Variants in KIF14 observed in about 807,000 individuals in gnomAD.
KIF14 encodes the protein kinesin family member 14.
In KIF14, 98 loss-of-function variants were observed where a neutral mutation model predicts 176.2. That is an observed-to-expected ratio of 0.56 (90% confidence interval 0.47 to 0.66). The LOEUF is 0.66. Among genes scored for constraint, KIF14 ranks in the 30% least tolerant of loss-of-function variants. The pLI is 0.00. For synonymous variants in KIF14, 566 were observed against 632.2 expected, an observed-to-expected ratio of 0.90 and a Z score of 1.57; for missense variants, 1,751 against 1,920.4, an observed-to-expected ratio of 0.91 and a Z score of 1.65.
rs1659525095 is a variant in KIF14, at chr1:200,599,528, T to G, written c.2364+522A>C. ...ATTTTCCCTTCTTCTCCTGAATTCT[T>G]ATAGTACTCCCCCACTACCAATCAC... is the stretch of plus-strand genomic sequence containing the variant. On this transcript the variant is annotated intron_variant, in intron 13 of 29. Transcript: ENST00000367350. Among the ~76,000 whole-genome samples, 3 of 152,226 alleles carry G rather than the reference T, an allele frequency of 2.0e-5. No individual in the cohort carries two copies. The South Asian group carries it at 6.2e-4, about 31-fold the overall frequency.
chr1:200,603,174 C>A, intron 10 of KIF14, 52 bp downstream of exon 10: 2 of 1,060,620 alleles, frequency 1.9e-6, no homozygotes, highest in Non-Finnish European at 1.4e-6. Context: ...TTCTTTTCCC[C>A]ATAGTATTCA....
rs1172542821 is a variant in KIF14, at chr1:200,620,599, A to G, written c.-304T>C. On this transcript the variant is annotated 5_prime_UTR_variant, in exon 1 of 30. Coordinates refer to ENST00000367350, the MANE Select transcript of KIF14 (RefSeq NM_014875.3). ...AGCTAAGACCACCCGCCCGCAGAGC[A>G]GTGGTCGCCTGTAGGGAAAGCGTCC... 6.6e-6 allele frequency: 1 copy of G among 151,748 alleles called. No homozygotes were observed. The highest frequency in any genetic ancestry group is 1.5e-5 in the Non-Finnish European group (1 of 68,148). The allele number at this position is 151,748 out of a possible 1,614,324, so 9.4% of individuals were successfully genotyped here. A position where few individuals can be genotyped will look rare whatever the true frequency, so the allele number is the denominator to read the frequency against.
intron 4 of KIF14, among the ~76,000 whole-genome samples, chr1:200,612,156 C>G (rs1571566669): frequency 6.6e-6 from 1 of 152,130 alleles, no homozygotes; most frequent in Admixed American, 6.5e-5. Context: ...GCGCCCACCA[C>G]CACACCTGGC....
intron 11 of KIF14, among the ~76,000 whole-genome samples, chr1:200,601,235 CAAAAGG>C (rs889477452): frequency 1.3e-5 from 2 of 152,018 alleles, no homozygotes; most frequent in Admixed American, 6.6e-5. Flanking sequence ...AGAAGGGATC[CAAAAGG>C]GAAAGGATGG....
At chr1:200,581,118 A>AAG in intron 20 of KIF14, 83 bp downstream of exon 20, 1 of 547,534 alleles carries the variant, frequency 1.8e-6, no homozygotes, top group Non-Finnish European at 2.9e-6. Context: ...TGTCTCAGAA[A>AAG]AAAAAAAAAA....
At chr1:200,613,736 C>T (rs531110741) in intron 4 of KIF14, among the ~76,000 whole-genome samples, 1 of 152,170 alleles carries the variant, frequency 6.6e-6, no homozygotes, top group South Asian at 2.1e-4. Flanking sequence ...CCAAGAATCC[C>T]CGGTGATTCT....
intron 26 of KIF14, among the ~76,000 whole-genome samples, chr1:200,560,065 A>G (rs984803730): frequency 6.6e-6 from 1 of 151,964 alleles, no homozygotes; most frequent in Non-Finnish European, 1.5e-5. Flanking sequence ...AGAACACAGC[A>G]ACATTCTAAT....
At chr1:200,572,152 T>A (rs1657825544) in intron 22 of KIF14, among the ~76,000 whole-genome samples, 2 of 152,232 alleles carry the variant, frequency 1.3e-5, no homozygotes, top group African/African-American at 4.8e-5. Context: ...AATTCATTTT[T>A]TAAAAATATG....
chr1:200,589,929 G>A (rs570023275), intron 17 of KIF14, among the ~76,000 whole-genome samples, 196 bp downstream of exon 17: 15 of 151,770 alleles, frequency 9.9e-5, no homozygotes, highest in African/African-American at 2.2e-4. Context: ...CTGGGATTAC[G>A]GGCATGAGCC....
At chr1:200,576,976 C>T (rs887623427) in intron 21 of KIF14, among the ~76,000 whole-genome samples, 3 of 151,904 alleles carry the variant, frequency 2.0e-5, no homozygotes, top group Admixed American at 2.0e-4. Context: ...ACTCCAGGCA[C>T]GCAACACCAC....
chr1:200,616,549 G>A lies in KIF14; in HGVS notation c.1113-940C>T, dbSNP rs536558649. ...TGCACGAAAAAGATTCTACAGTACT[G>A]TATAACTTGCCTTTAACTACTGACC... On this transcript the variant is annotated intron_variant, in intron 2 of 29. Coordinates refer to ENST00000367350, the MANE Select transcript of KIF14 (RefSeq NM_014875.3). 4.2e-4 allele frequency among the ~76,000 whole-genome samples: 64 copies of A among 152,226 alleles called. 1 individual carries two copies. Among genetic ancestry groups the A allele is most frequent in the African/African-American group, 1.4e-3 (58 of 41,540 alleles).
chr1:200,617,480 GTTCT>G, intron 2 of KIF14, 128 bp downstream of exon 2: 1 of 834,662 alleles, frequency 1.2e-6, no homozygotes, highest in Non-Finnish European at 1.8e-6. Context: ...AGACCTAAAA[GTTCT>G]TTCTATATAA....
Position 200,615,696 on chromosome 1 carries a change from A to T in KIF14, c.1113-87T>A, listed in dbSNP as rs1241950155. The T allele has an allele frequency of 4.5e-6, 5 of 1,113,096 alleles. No homozygotes were observed. The African/African-American group carries it at 7.9e-5, about 18-fold the overall frequency. 69.0% of individuals were successfully genotyped at this position (1,113,096 alleles called of 1,614,324 possible). A position where few individuals can be genotyped will look rare whatever the true frequency, so the allele number is the denominator to read the frequency against. On this transcript the variant is annotated intron_variant, in intron 2 of 29. Transcript: ENST00000367350. ...AGAACATAATAAATACCTCAAAACTATTTAAACAATCTTCCAAGGCAAGAT... is the reference window on the plus strand; with the variant it reads ...AGAACATAATAAATACCTCAAAACTTTTTAAACAATCTTCCAAGGCAAGAT...
chr1:200,553,546 A>C lies in KIF14; in HGVS notation c.4789T>G (p.Tyr1597Asp). Residue 1597 changes from tyrosine to aspartate, a missense_variant, in exon 30 of 30, where the codon TAT becomes GAT. Coordinates refer to ENST00000367350, the MANE Select transcript of KIF14 (RefSeq NM_014875.3). ...TGTTCTTCTTTGGTATTTTGATTAT[A>C]AGTTTCCCAGGGTTTCAACAAATCA... is the stretch of plus-strand genomic sequence containing the variant. ...SPDLLKPWET[Y>D]NQNTKEEHQQ... is the part of the protein sequence containing the mutation. The C allele has an allele frequency of 1.2e-6, 2 of 1,614,044 alleles. No homozygotes were observed. Among genetic ancestry groups the C allele is most frequent in the Non-Finnish European group, 1.7e-6 (2 of 1,180,024 alleles).
intron 4 of KIF14, among the ~76,000 whole-genome samples, chr1:200,612,157 C>G (rs1325392968): frequency 6.6e-6 from 1 of 152,066 alleles, no homozygotes; most frequent in East Asian, 1.9e-4. Context: ...CGCCCACCAC[C>G]ACACCTGGCT....
rs760110231 is a variant in KIF14 at position 200,590,116 on chromosome 1, G to T, written c.2961+9C>A. On this transcript the variant is annotated intron_variant, in intron 17 of 29. Coordinates refer to ENST00000367350, the MANE Select transcript of KIF14 (RefSeq NM_014875.3). ...GGAAAAAAAAAATAAAACTAATTCT[G>T]CCTTTTACCAGTTCTGCTTCCAGTG... 3.1e-6 allele frequency: 5 copies of T among 1,593,752 alleles called. No homozygotes were observed. The highest frequency in any genetic ancestry group is 2.3e-5 in the South Asian group (2 of 88,384).
In KIF14 at chr1:200,608,899, A is replaced by G. The variant is rs746521474; in HGVS notation, c.1485T>C (p.Phe495=). 13 of 1,607,662 alleles carry G rather than the reference A, an allele frequency of 8.1e-6. 1 individual carries two copies. The highest frequency in any genetic ancestry group is 9.4e-6 in the Non-Finnish European group (11 of 1,174,810). ...CGTGAATTTTTTCATTATATACTTC[A>G]AAGAAGCTCATTTCAATGTGATAGC... ...EVSYHIEMSF[F]EVYNEKIHDL... The change falls in exon 5 of 30, where the codon TTT becomes TTC. Residue 495 remains phenylalanine, a synonymous_variant. Transcript: ENST00000367350.
intron 22 of KIF14, among the ~76,000 whole-genome samples, chr1:200,571,891 C>T (rs1657809161): frequency 6.6e-6 from 1 of 152,170 alleles, no homozygotes; most frequent in African/African-American, 2.4e-5. Context: ...ATATTCCTTT[C>T]AAAGAGTTTT....
intron 20 of KIF14, 46 bp from the exon 21 acceptor site, chr1:200,580,429 A>T: frequency 7.7e-7 from 1 of 1,290,938 alleles, no homozygotes; most frequent in Non-Finnish European, 1.0e-6. Context: ...AAACATACAC[A>T]TCCATTTATA....
Sources: allele counts gnomAD v4.1 joint callset (sites outside exome capture counted in the v4.1 genomes callset), GRCh38; gene constraint gnomAD v4.1.1; transcripts MANE v1.5; gene names NCBI Gene and HGNC (gene_info 2026-07-23, HGNC 2026-07-21).